RBM20: variants seen among roughly 807,000 people sequenced by gnomAD.
RBM20 encodes RNA binding motif protein 20.
RBM20 carries 51 observed loss-of-function variants against 110.1 expected under a neutral mutation model. The observed-to-expected ratio is 0.46, with a 90% CI of 0.37 to 0.59. The LOEUF (loss-of-function observed/expected upper bound fraction) is 0.59, where lower values mean the gene tolerates loss of function less well. Among genes scored for constraint, RBM20 ranks in the 20% least tolerant of loss-of-function variants. RBM20 has a pLI of 0.00. For missense variants in RBM20, 1,512 were observed against 1,574.9 expected (o/e 0.96, Z 0.68); for synonymous variants, 589 against 618.2 (o/e 0.95, Z 0.70).
At chr10:110,720,482 C>A (rs1843492476) in intron 1 of RBM20, among the ~76,000 whole-genome samples, 1 of 152,198 alleles carries the variant, frequency 6.6e-6, no homozygotes, top group Admixed American at 6.5e-5. Flanking sequence ...TTGGCATCAT[C>A]CTGGACTCTC....
rs1370179638 is a variant in RBM20 at position 110,838,665 on chromosome 10, G to T, written c.*2687G>T. On this transcript the variant is annotated 3_prime_UTR_variant, in exon 14 of 14. Coordinates refer to ENST00000369519, the MANE Select transcript of RBM20 (RefSeq NM_001134363.3). ...GGCCTTCCCCCACCCCCCATCCCCA[G>T]CAGCATTTCCATGGAAATCCAGATG... The T allele has an allele frequency of 8.1e-6, 1 of 123,608 alleles. No individual in the cohort carries two copies. The highest frequency in any genetic ancestry group is 3.0e-5 in the African/African-American group (1 of 32,792). The allele number at this position is 123,608 out of a possible 1,614,324, so 7.7% of individuals were successfully genotyped here.
chr10:110,646,154 A>C (rs1025294188), intron 1 of RBM20, among the ~76,000 whole-genome samples: 1 of 152,186 alleles, frequency 6.6e-6, no homozygotes, highest in Non-Finnish European at 1.5e-5. Context: ...ATATGAAGTT[A>C]ATTGAAATTG....
At chr10:110,798,478 G>A (rs7906194) in intron 6 of RBM20, among the ~76,000 whole-genome samples, 17,412 of 152,166 alleles carry the variant, frequency 0.11, 1,115 homozygotes, top group African/African-American at 0.17. Flanking sequence ...TAAATGCACA[G>A]AATTCAGCTT....
intron 1 of RBM20, among the ~76,000 whole-genome samples, chr10:110,684,790 T>A (rs1862478051): frequency 6.6e-6 from 1 of 152,216 alleles, no homozygotes; most frequent in South Asian, 2.1e-4. Context: ...GTAGACTTTG[T>A]CACCATGTGT....
At chr10:110,666,460 T>C (rs1351987163) in intron 1 of RBM20, among the ~76,000 whole-genome samples, 2 of 152,138 alleles carry the variant, frequency 1.3e-5, no homozygotes, top group African/African-American at 2.4e-5. Flanking sequence ...CTGGGCAATA[T>C]AGCCAGACCC....
At chr10:110,829,215 T>C (rs1401853799) in intron 12 of RBM20, among the ~76,000 whole-genome samples, 2 of 152,174 alleles carry the variant, frequency 1.3e-5, no homozygotes, top group African/African-American at 4.8e-5. Flanking sequence ...GGAAAACTAT[T>C]TTGTAACAAC....
chr10:110,735,873 G>A (rs1227130337), intron 1 of RBM20, among the ~76,000 whole-genome samples: 1 of 152,198 alleles, frequency 6.6e-6, no homozygotes, highest in East Asian at 1.9e-4. Flanking sequence ...CAGGATTGCT[G>A]ATCTCATGGC....
At chr10:110,776,136 C>A (rs1480090144) in intron 1 of RBM20, among the ~76,000 whole-genome samples, 1 of 152,104 alleles carries the variant, frequency 6.6e-6, no homozygotes, top group Non-Finnish European at 1.5e-5. Context: ...TTGCTTGGGC[C>A]CCTATTTGTG....
At chr10:110,730,288 A>G (rs1255914714) in intron 1 of RBM20, among the ~76,000 whole-genome samples, 1 of 152,228 alleles carries the variant, frequency 6.6e-6, no homozygotes, top group East Asian at 1.9e-4. Flanking sequence ...GTGCATTAAC[A>G]TAGCAATGCC....
intron 1 of RBM20, among the ~76,000 whole-genome samples, chr10:110,746,873 GAATT>G (rs536032868): frequency 2.1e-3 from 321 of 152,336 alleles, no homozygotes; most frequent in African/African-American, 7.5e-3. Flanking sequence ...GCATACTCAT[GAATT>G]GTCTATCGAA....
At chr10:110,691,105 G>GCTTGTT (rs1554890113) in intron 1 of RBM20, among the ~76,000 whole-genome samples, 4 of 152,188 alleles carry the variant, frequency 2.6e-5, no homozygotes, top group African/African-American at 9.7e-5. Context: ...ACACGAAAGA[G>GCTTGTT]CTTGCTCTTG....
chr10:110,814,571 C>T lies in RBM20; in HGVS notation c.2550+1624C>T, dbSNP rs144446383. ...AGTGCAGTGGTGTGATCTCAGCTCA[C>T]GGCAACCTCTGCCTCCTAGGTTCAA... On this transcript the variant is annotated intron_variant, in intron 9 of 13. Coordinates refer to ENST00000369519, the MANE Select transcript of RBM20 (RefSeq NM_001134363.3). 7.5e-3 allele frequency among the ~76,000 whole-genome samples: 1,139 copies of T among 152,146 alleles called. 10 individuals are homozygous for T. The highest frequency in any genetic ancestry group is 0.023 in the African/African-American group (959 of 41,498).
chr10:110,789,761 T>C (rs1844462061), intron 5 of RBM20, among the ~76,000 whole-genome samples: 1 of 152,170 alleles, frequency 6.6e-6, no homozygotes, highest in South Asian at 2.1e-4. Context: ...GCCCCTCCCA[T>C]CCCACTCTAG....
intron 5 of RBM20, among the ~76,000 whole-genome samples, chr10:110,796,167 G>T (rs1041743778): frequency 3.9e-4 from 60 of 152,128 alleles, no homozygotes; most frequent in African/African-American, 1.2e-3. Flanking sequence ...TATGAAGAAG[G>T]TTCAGCATGT....
chr10:110,723,010 G>A (rs189707899), intron 1 of RBM20, among the ~76,000 whole-genome samples: 11 of 152,118 alleles, frequency 7.2e-5, no homozygotes, highest in African/African-American at 2.4e-4. Context: ...TACTTGGGAG[G>A]CTGAGGCAGG....
At chr10:110,792,609 G>T (rs1055555234) in intron 5 of RBM20, among the ~76,000 whole-genome samples, 1 of 152,188 alleles carries the variant, frequency 6.6e-6, no homozygotes, top group Non-Finnish European at 1.5e-5. Flanking sequence ...TTCTCCCACT[G>T]CCCTGACCCT....
intron 1 of RBM20, among the ~76,000 whole-genome samples, chr10:110,737,061 C>T (rs1282331776): frequency 6.6e-6 from 1 of 151,300 alleles, no homozygotes; most frequent in African/African-American, 2.4e-5. Context: ...CCTGTAATCC[C>T]AGCTACTCGG....
At chr10:110,764,443 G>A (rs535495493) in intron 1 of RBM20, among the ~76,000 whole-genome samples, 1 of 152,220 alleles carries the variant, frequency 6.6e-6, no homozygotes, top group African/African-American at 2.4e-5. Context: ...CATAGAGCTG[G>A]CTTGGGTGTT....
chr10:110,821,124 T>G (rs1844902941), intron 10 of RBM20, 151 bp from the exon 11 acceptor site: 1 of 654,472 alleles, frequency 1.5e-6, no homozygotes, highest in African/African-American at 1.8e-5. Context: ...GTTGGTGCCG[T>G]GGGACTTGAG....
Sources: allele counts gnomAD v4.1 joint callset (sites outside exome capture counted in the v4.1 genomes callset), GRCh38; gene constraint gnomAD v4.1.1; transcripts MANE v1.5; gene names NCBI Gene and HGNC (gene_info 2026-07-23, HGNC 2026-07-21).